The following PICALM variants were observed in gnomAD, a reference collection of about 807,000 sequenced individuals.
PICALM encodes the protein phosphatidylinositol binding clathrin assembly protein, also known as phosphatidylinositol-binding clathrin assembly protein.
PICALM carries 40 observed loss-of-function variants against 80.5 expected under a neutral mutation model. That is an observed-to-expected ratio of 0.50 (90% CI 0.39 to 0.65). The LOEUF (loss-of-function observed/expected upper bound fraction) is 0.65, where lower values mean the gene tolerates loss of function less well. Among genes scored for constraint, PICALM ranks in the 30% least tolerant of loss-of-function variants. The pLI is 0.00. For missense variants in PICALM, 676 were observed against 778.9 expected, an observed-to-expected ratio of 0.87 and a Z score of 1.57; for synonymous variants, 288 against 260.3, an observed-to-expected ratio of 1.11 and a Z score of -1.02.
Position 85,981,773 on chromosome 11 carries a change from G to T in PICALM, c.1651C>A (p.Leu551Ile), listed in dbSNP as rs750029324. 3.1e-6 allele frequency: 5 copies of T among 1,612,128 alleles called. No individual in the cohort carries two copies. Among genetic ancestry groups the T allele is most frequent in the Non-Finnish European group, 4.2e-6 (5 of 1,178,372 alleles). The part of the protein sequence containing the change: ...DSSLANLVGN[L>I]GIGNGTTKND... ...TTAGTGGTTCCATTTCCGATGCCAA[G>T]ATCTAGGAAAGGAGAAAAACAAAAA... Residue 551 changes from leucine to isoleucine, a missense_variant and splice_region_variant, in exon 16 of 20, where the codon CTT (leucine) becomes ATT (isoleucine). Leu to Ile is a conservative substitution (Grantham distance 5). Coordinates refer to ENST00000393346, the MANE Select transcript of PICALM (RefSeq NM_007166.4).
At chr11:85,981,654 T>G in intron 16 of PICALM, 91 bp downstream of exon 16, 1 of 951,332 alleles carries the variant, frequency 1.1e-6, no homozygotes, top group Non-Finnish European at 1.7e-6. Flanking sequence ...CACATATTTT[T>G]GAGAGGAAAG....
intron 19 of PICALM, among the ~76,000 whole-genome samples, chr11:85,961,508 G>A (rs1565189640): frequency 6.6e-6 from 1 of 152,180 alleles, no homozygotes; most frequent in Non-Finnish European, 1.5e-5. Context: ...TGTAAGGCAA[G>A]TAAACAACTG....
intron 13 of PICALM, among the ~76,000 whole-genome samples, chr11:85,985,495 T>C (rs2094548682): frequency 6.6e-6 from 1 of 152,178 alleles, no homozygotes; most frequent in African/African-American, 2.4e-5. Flanking sequence ...GTCAAAGACA[T>C]TGGTCATACA....
At chr11:85,960,730 T>G in intron 19 of PICALM, 1 of 1,319,224 alleles carries the variant, frequency 7.6e-7, no homozygotes, top group Non-Finnish European at 9.9e-7. Context: ...GGTCCTTTCC[T>G]GAAGCTCTGT....
chr11:86,055,261 C>T (rs184995367), intron 1 of PICALM, among the ~76,000 whole-genome samples: 433 of 147,860 alleles, frequency 2.9e-3, no homozygotes, highest in Admixed American at 4.9e-3. Flanking sequence ...ACTCAGGAGG[C>T]GGAGGTTGCA....
intron 1 of PICALM, among the ~76,000 whole-genome samples, chr11:86,060,069 G>A (rs2096334660): frequency 6.6e-6 from 1 of 152,128 alleles, no homozygotes; most frequent in Non-Finnish European, 1.5e-5. Flanking sequence ...CACATCTCTT[G>A]CTTGAAATCT....
Position 85,974,695 on chromosome 11 carries a change from T to C in PICALM, c.1944+13A>G, listed in dbSNP as rs374080130. Reference sequence around the variant, plus strand: ...TCAAACACATTACCACAGTTACATGTAGTGTGTAATACCTGTGCTCCTGAT... The same window carrying C: ...TCAAACACATTACCACAGTTACATGCAGTGTGTAATACCTGTGCTCCTGAT... On this transcript the variant is annotated intron_variant, in intron 19 of 19. Coordinates refer to ENST00000393346, the MANE Select transcript of PICALM (RefSeq NM_007166.4). 6.9e-7 allele frequency: 1 copy of C among 1,456,910 alleles called. No individual in the cohort carries two copies. The highest frequency in any genetic ancestry group is 1.1e-5 in the South Asian group (1 of 87,866). The allele number at this position is 1,456,910 out of a possible 1,614,324, so 90.2% of individuals were successfully genotyped here. A position where few individuals can be genotyped will look rare whatever the true frequency, so the allele number is the denominator to read the frequency against.
chr11:86,004,825 C>G (rs2095242902), intron 8 of PICALM, among the ~76,000 whole-genome samples: 1 of 152,148 alleles, frequency 6.6e-6, no homozygotes, highest in African/African-American at 2.4e-5. Context: ...CCAAGGGAGA[C>G]ACAGTAGAAA....
At chr11:85,990,146 T>A (rs1258636466) in intron 13 of PICALM, 104 bp downstream of exon 13, 4 of 577,836 alleles carry the variant, frequency 6.9e-6, no homozygotes, top group African/African-American at 1.9e-5. Flanking sequence ...GATATTAAAA[T>A]CTAAAGTAAC....
chr11:85,974,085 A>G (rs935710159), intron 19 of PICALM, among the ~76,000 whole-genome samples: 1 of 152,218 alleles, frequency 6.6e-6, no homozygotes, highest in African/African-American at 2.4e-5. Flanking sequence ...ATAATGGGAC[A>G]AAAAACAATG....
chr11:86,026,954 C>G (rs184805486), intron 2 of PICALM, among the ~76,000 whole-genome samples: 70 of 152,290 alleles, frequency 4.6e-4, no homozygotes, highest in Admixed American at 9.1e-4. Flanking sequence ...CACCATTTTA[C>G]TAGACATACA....
At chr11:86,009,909 A>G (rs1448627135) in intron 7 of PICALM, among the ~76,000 whole-genome samples, 1 of 152,198 alleles carries the variant, frequency 6.6e-6, no homozygotes, top group Non-Finnish European at 1.5e-5. Context: ...TTCAAAATTA[A>G]TTTCAGTAGG....
intron 13 of PICALM, among the ~76,000 whole-genome samples, chr11:85,985,338 A>C (rs1242895253): frequency 6.6e-6 from 1 of 152,042 alleles, no homozygotes; most frequent in Admixed American, 6.6e-5. Flanking sequence ...TTAGCAAAGA[A>C]CCATACAAGC....
chr11:85,979,061 A>G (rs1420585883), intron 17 of PICALM, among the ~76,000 whole-genome samples: 2 of 152,104 alleles, frequency 1.3e-5, no homozygotes, highest in Non-Finnish European at 2.9e-5. Context: ...ACTGCTTTGC[A>G]CTTAGGGAAA....
chr11:86,028,348 T>C (rs1426395994), intron 2 of PICALM, among the ~76,000 whole-genome samples: 2 of 152,204 alleles, frequency 1.3e-5, no homozygotes, highest in Non-Finnish European at 2.9e-5. Flanking sequence ...ATTAGGTACA[T>C]AAGCATTTGT....
intron 3 of PICALM, among the ~76,000 whole-genome samples, chr11:86,024,244 C>T (rs953832484): frequency 6.6e-6 from 1 of 151,824 alleles, no homozygotes; most frequent in Non-Finnish European, 1.5e-5. Flanking sequence ...AGCGCCGTAA[C>T]TCTTGTTAAA....
At chr11:86,033,661 C>T (rs543977236) in intron 1 of PICALM, among the ~76,000 whole-genome samples, 38 of 152,188 alleles carry the variant, frequency 2.5e-4, no homozygotes, top group Non-Finnish European at 5.4e-4. Context: ...TTTATTGCCA[C>T]TGAACTCATC....
intron 12 of PICALM, among the ~76,000 whole-genome samples, chr11:85,993,176 T>G (rs1004857199): frequency 6.6e-6 from 1 of 151,994 alleles, no homozygotes; most frequent in South Asian, 2.1e-4. Flanking sequence ...GCCTCGACCT[T>G]TCTGTGCTCA....
rs1239460833 is a variant in PICALM, at chr11:86,012,342, G to A, written c.597C>T (p.Leu199=). 1.1e-5 allele frequency: 18 copies of A among 1,611,084 alleles called. No individual in the cohort carries two copies. Among genetic ancestry groups the A allele is most frequent in the East Asian group, 2.2e-5 (1 of 44,740 alleles). ...ACAGTCTAATGGCATCTTTGAACAG[G>A]AGCATGAAGGCAGCATTTATTACCC... The part of the protein sequence containing the change: ...TNGVINAAFM[L]LFKDAIRLFA... Residue 199 remains leucine (L), a synonymous_variant, in exon 6 of 20, where the codon CTC becomes CTT. Coordinates refer to ENST00000393346, the MANE Select transcript of PICALM (RefSeq NM_007166.4).
Sources: gnomAD v4.1 joint callset for allele counts (sites outside exome capture counted in the v4.1 genomes callset) on GRCh38, gnomAD v4.1.1 for gene constraint, MANE v1.5 for transcripts, NCBI Gene and HGNC (gene_info 2026-07-23, HGNC 2026-07-21) for gene names.